ST6GALNAC3: variants seen among roughly 807,000 people sequenced by gnomAD.
ST6GALNAC3 encodes the protein ST6 N-acetylgalactosaminide alpha-2,6-sialyltransferase 3.
In ST6GALNAC3, 25 loss-of-function variants were observed where a neutral mutation model predicts 32.7. That is an observed-to-expected ratio of 0.76 (90% CI 0.56 to 1.07). The LOEUF is 1.07. Among genes scored for constraint, ST6GALNAC3 ranks in the 50% least tolerant of loss-of-function variants. The pLI, the probability that ST6GALNAC3 is intolerant of heterozygous loss-of-function variation, is 0.00. For missense variants in ST6GALNAC3, 355 were observed against 382.4 expected (o/e 0.93, Z 0.60); for synonymous variants, 129 against 133.1 (o/e 0.97, Z 0.21).
intron 3 of ST6GALNAC3, among the ~76,000 whole-genome samples, chr1:76,526,348 G>T (rs1254060787): frequency 1.3e-5 from 2 of 152,014 alleles, no homozygotes; most frequent in Non-Finnish European, 2.9e-5. Flanking sequence ...ATCCCTTGTG[G>T]TTACAACTTC....
At chr1:76,490,492 A>ATC in intron 3 of ST6GALNAC3, among the ~76,000 whole-genome samples, 1 of 149,434 alleles carries the variant, frequency 6.7e-6, no homozygotes, top group Admixed American at 6.7e-5. Flanking sequence ...ATATTTATAT[A>ATC]TCAATATATT....
intron 1 of ST6GALNAC3, among the ~76,000 whole-genome samples, chr1:76,091,410 G>A (rs1647043916): frequency 6.6e-6 from 1 of 152,202 alleles, no homozygotes; most frequent in Non-Finnish European, 1.5e-5. Flanking sequence ...AAATTGGGAG[G>A]AGTAAGGGAC....
chr1:76,529,554 C>CTT (rs1663123215), intron 3 of ST6GALNAC3, among the ~76,000 whole-genome samples: 1 of 152,232 alleles, frequency 6.6e-6, no homozygotes, highest in South Asian at 2.1e-4. Flanking sequence ...TTCATACACT[C>CTT]AAATAAAAGT....
chr1:76,623,087 G>A (rs2100709137), intron 3 of ST6GALNAC3, among the ~76,000 whole-genome samples: 1 of 152,002 alleles, frequency 6.6e-6, no homozygotes, highest in South Asian at 2.1e-4. Context: ...CCATGTGATG[G>A]CCTTTCGACA....
intron 1 of ST6GALNAC3, among the ~76,000 whole-genome samples, chr1:76,218,821 C>G (rs1177691286): frequency 6.6e-6 from 1 of 152,128 alleles, no homozygotes; most frequent in Non-Finnish European, 1.5e-5. Context: ...AAAGATTGTT[C>G]TATTTGTTAT....
chr1:76,483,650 A>C (rs1041607783), intron 3 of ST6GALNAC3, among the ~76,000 whole-genome samples: 1 of 151,800 alleles, frequency 6.6e-6, no homozygotes, highest in South Asian at 2.1e-4. Context: ...GATTGCAAAA[A>C]TTTTCTTCCA....
In ST6GALNAC3 at chr1:76,628,995, T is replaced by G; in HGVS notation, c.*189T>G. ...AACTTGGCATTTCATGGAGGATGGTTGTGCTCATGATGTTCTTTCTGGAGG... is the reference window on the plus strand; with the variant it reads ...AACTTGGCATTTCATGGAGGATGGTGGTGCTCATGATGTTCTTTCTGGAGG... On this transcript the variant is annotated 3_prime_UTR_variant, in exon 5 of 5. Coordinates refer to ENST00000328299, the MANE Select transcript of ST6GALNAC3 (RefSeq NM_152996.4). 1 of 1,399,406 alleles carries G rather than the reference T, an allele frequency of 7.1e-7. No homozygotes were observed. The highest frequency in any genetic ancestry group is 9.2e-7 in the Non-Finnish European group (1 of 1,083,378). 86.7% of individuals were successfully genotyped at this position (1,399,406 alleles called of 1,614,324 possible).
intron 3 of ST6GALNAC3, among the ~76,000 whole-genome samples, chr1:76,444,932 C>A (rs947119973): frequency 5.3e-5 from 8 of 152,106 alleles, no homozygotes; most frequent in Non-Finnish European, 1.0e-4. Context: ...TCTCATTTGT[C>A]CATTTCCTTA....
chr1:76,310,406 A>AGTG (rs749711368), intron 1 of ST6GALNAC3, among the ~76,000 whole-genome samples: 43 of 152,248 alleles, frequency 2.8e-4, no homozygotes, highest in Non-Finnish European at 5.9e-4. Flanking sequence ...TGTGGTAGTT[A>AGTG]GTGGTGAGAT....
At chr1:76,475,551 G>T (rs1208738178) in intron 3 of ST6GALNAC3, among the ~76,000 whole-genome samples, 1 of 152,048 alleles carries the variant, frequency 6.6e-6, no homozygotes, top group Non-Finnish European at 1.5e-5. Flanking sequence ...AGAAACTTGG[G>T]CCAACTGCAT....
intron 4 of ST6GALNAC3, among the ~76,000 whole-genome samples, chr1:76,627,834 G>A (rs1433905035): frequency 1.3e-5 from 2 of 151,904 alleles, no homozygotes; most frequent in Non-Finnish European, 2.9e-5. Context: ...TGAAAATACA[G>A]AAGAAGTTTA....
At chr1:76,515,514 C>G (rs1662120546) in intron 3 of ST6GALNAC3, among the ~76,000 whole-genome samples, 1 of 152,022 alleles carries the variant, frequency 6.6e-6, no homozygotes, top group Non-Finnish European at 1.5e-5. Flanking sequence ...AGTTATTTAT[C>G]AGGAATCTTC....
intron 1 of ST6GALNAC3, among the ~76,000 whole-genome samples, chr1:76,204,315 T>A (rs1654701178): frequency 6.6e-6 from 1 of 152,256 alleles, no homozygotes; most frequent in Non-Finnish European, 1.5e-5. Context: ...TGATTCCATA[T>A]TTTGGCTATT....
chr1:76,268,517 G>A (rs576629242), intron 1 of ST6GALNAC3, among the ~76,000 whole-genome samples: 3 of 152,256 alleles, frequency 2.0e-5, no homozygotes, highest in South Asian at 2.1e-4. Context: ...AAAACAAGTC[G>A]GTCAAGCCAT....
At position 76,457,753 on chromosome 1, in the gene ST6GALNAC3, A is replaced by T. The variant is rs533846198; in HGVS notation, c.623+45336A>T. On this transcript the variant is annotated intron_variant, in intron 3 of 4. Transcript: ENST00000328299. ...TTAATTCAAGCTGGATTAAAGATTT[A>T]AACGTTAGACCTAAAACCATAAAAA... is the stretch of plus-strand genomic sequence containing the variant. Among the ~76,000 whole-genome samples the T allele has an allele frequency of 9.8e-5, 15 of 152,300 alleles. No individual in the cohort carries two copies. In the South Asian group the frequency reaches 3.1e-3, roughly 32 times the overall value.
chr1:76,192,465 C>T (rs1009264210), intron 1 of ST6GALNAC3, among the ~76,000 whole-genome samples: 1 of 152,080 alleles, frequency 6.6e-6, no homozygotes, highest in Non-Finnish European at 1.5e-5. Context: ...GTGAGAATGC[C>T]GAAGGAGAAG....
chr1:76,483,143 G>C (rs1659849243), intron 3 of ST6GALNAC3, among the ~76,000 whole-genome samples: 1 of 152,220 alleles, frequency 6.6e-6, no homozygotes, highest in East Asian at 1.9e-4. Context: ...ATTTGGGTTG[G>C]TTCCAAGTCT....
chr1:76,380,130 C>G (rs1651588615), intron 2 of ST6GALNAC3, among the ~76,000 whole-genome samples: 1 of 152,080 alleles, frequency 6.6e-6, no homozygotes, highest in South Asian at 2.1e-4. Context: ...GATGGGGACT[C>G]TTAGAAAGTA....
intron 3 of ST6GALNAC3, among the ~76,000 whole-genome samples, chr1:76,434,788 T>A (rs1360784748): frequency 7.2e-6 from 1 of 138,322 alleles, no homozygotes; most frequent in Non-Finnish European, 1.6e-5. Context: ...TTCTCTGTTT[T>A]TTTTTTTTTT....
Sources: gnomAD v4.1 joint callset for allele counts (sites outside exome capture counted in the v4.1 genomes callset) on GRCh38, gnomAD v4.1.1 for gene constraint, MANE v1.5 for transcripts, NCBI Gene and HGNC (gene_info 2026-07-23, HGNC 2026-07-21) for gene names.